Variants in ANKHD1 observed in about 807,000 individuals in gnomAD.
ANKHD1 encodes the protein ankyrin repeat and KH domain-containing protein 1.
A neutral mutation model predicts 230.5 loss-of-function variants in ANKHD1; 31 were observed. The ratio of observed to expected loss-of-function variants is 0.13; its 90% CI spans 0.10 to 0.18. The LOEUF is 0.18. ANKHD1 is among the 10% of genes least tolerant of loss of function. ANKHD1 has a pLI of 1.00. For synonymous variants in ANKHD1, 1,074 were observed against 1,117.6 expected (o/e 0.96, Z 0.78); for missense variants, 2,256 against 3,071.3 (o/e 0.73, Z 6.27).
At chr5:140,408,321 A>G (rs922203825) in intron 1 of ANKHD1, among the ~76,000 whole-genome samples, 1 of 152,184 alleles carries the variant, frequency 6.6e-6, no homozygotes, top group East Asian at 1.9e-4. Flanking sequence ...AAGGTAACCA[A>G]TATTAAAATT....
At chr5:140,489,077 C>T (rs1160316602) in intron 14 of ANKHD1, among the ~76,000 whole-genome samples, 1 of 151,738 alleles carries the variant, frequency 6.6e-6, no homozygotes, top group African/African-American at 2.4e-5. Context: ...GTAGTCCCTG[C>T]TGCTAGGGAG....
chr5:140,432,793 G>C (rs992556468), intron 1 of ANKHD1, among the ~76,000 whole-genome samples: 9 of 151,744 alleles, frequency 5.9e-5, no homozygotes. Flanking sequence ...GTGTAATTTT[G>C]AACTTCTGGG....
chr5:140,463,223 C>G (rs1235703343), intron 9 of ANKHD1, among the ~76,000 whole-genome samples: 1 of 152,072 alleles, frequency 6.6e-6, no homozygotes, highest in African/African-American at 2.4e-5. Flanking sequence ...TTTACTTCAT[C>G]ACGGTCATTC....
chr5:140,427,546 G>A (rs1277967298), intron 1 of ANKHD1, among the ~76,000 whole-genome samples: 1 of 143,824 alleles, frequency 7.0e-6, no homozygotes, highest in Non-Finnish European at 1.5e-5. Context: ...GCCGGGCGGG[G>A]GGCTGACCCC....
chr5:140,508,125 G>C (rs576453098), intron 20 of ANKHD1, 127 bp downstream of exon 20: 1 of 1,278,052 alleles, frequency 7.8e-7, no homozygotes, highest in Admixed American at 2.8e-5. Context: ...GCAGAGTTGA[G>C]GGATTATGCT....
At chr5:140,511,573 G>T (rs1352099782) in intron 22 of ANKHD1, among the ~76,000 whole-genome samples, 1 of 152,146 alleles carries the variant, frequency 6.6e-6, no homozygotes, top group Non-Finnish European at 1.5e-5. Context: ...CTTCAAACAT[G>T]TACTTACCAT....
chr5:140,496,268 T>G (rs1752031312), intron 14 of ANKHD1, among the ~76,000 whole-genome samples: 1 of 151,982 alleles, frequency 6.6e-6, no homozygotes, highest in African/African-American at 2.4e-5. Flanking sequence ...TAAAGTAGAT[T>G]TTTAAAACTT....
At chr5:140,498,397 C>T (rs915957342) in intron 15 of ANKHD1, among the ~76,000 whole-genome samples, 2 of 152,232 alleles carry the variant, frequency 1.3e-5, no homozygotes, top group African/African-American at 4.8e-5. Context: ...TTTTATTGGG[C>T]ATGTGTTTGA....
chr5:140,474,192 A>G (rs1454017255), intron 10 of ANKHD1, among the ~76,000 whole-genome samples: 3 of 152,198 alleles, frequency 2.0e-5, no homozygotes, highest in Non-Finnish European at 4.4e-5. Context: ...CCTTTTATCC[A>G]TATCAGTTCT....
intron 6 of ANKHD1, among the ~76,000 whole-genome samples, chr5:140,447,312 C>T (rs1001106966): frequency 5.9e-5 from 9 of 152,304 alleles, no homozygotes; most frequent in African/African-American, 1.9e-4. Context: ...AAGCTATCCT[C>T]CTGCCTCAGC....
At chr5:140,521,111 A>T (rs2127077520) in intron 24 of ANKHD1, among the ~76,000 whole-genome samples, 1 of 152,288 alleles carries the variant, frequency 6.6e-6, no homozygotes, top group African/African-American at 2.4e-5. Context: ...AAGTAGAGTT[A>T]TTCTAGGAAT....
chr5:140,513,428 A>G lies in ANKHD1; in HGVS notation c.4266A>G (p.Ala1422=). The change falls in exon 24 of 34, where the codon GCA becomes GCG. Residue 1422 remains alanine (A), a synonymous_variant. Transcript: ENST00000360839. ...TGAAGGCTAAAGACCAGCAAGCTGC[A>G]GAAGCAAATAAGAATGCGAGTATTC... ...TIVKAKDQQA[A]EANKNASILL... 6.2e-7 allele frequency: 1 copy of G among 1,613,844 alleles called. No homozygotes were observed. Among genetic ancestry groups the G allele is most frequent in the Non-Finnish European group, 8.5e-7 (1 of 1,179,890 alleles).
chr5:140,524,906 C>G (rs1353354339), intron 25 of ANKHD1: 1 of 274,496 alleles, frequency 3.6e-6, no homozygotes, highest in Non-Finnish European at 7.2e-6. Context: ...TGAGACCAGC[C>G]TGACCAATAT....
In ANKHD1 at chr5:140,528,177, C is replaced by G; in HGVS notation, c.5238-7C>G. 1 of 1,394,356 alleles carries G rather than the reference C, an allele frequency of 7.2e-7. No homozygotes were observed. Among genetic ancestry groups the G allele is most frequent in the Non-Finnish European group, 9.3e-7 (1 of 1,071,970 alleles). 86.4% of individuals were successfully genotyped at this position (1,394,356 alleles called of 1,614,324 possible). Reference sequence around the variant, plus strand: ...TGGTCTTGTTTCTGTTTTTTTTTTTCCCTTAGGGGTGGCACAGAATCAACA... The same window carrying G: ...TGGTCTTGTTTCTGTTTTTTTTTTTGCCTTAGGGGTGGCACAGAATCAACA... On this transcript the variant is annotated splice_polypyrimidine_tract_variant and splice_region_variant and intron_variant, in intron 28 of 33. Coordinates refer to ENST00000360839, the MANE Select transcript of ANKHD1 (RefSeq NM_017747.3).
rs575097013 is a variant in ANKHD1 at position 140,516,664 on chromosome 5, C to A, written c.4317+3185C>A. Among the ~76,000 whole-genome samples, 1,011 of 152,124 alleles carry A rather than the reference C, an allele frequency of 6.6e-3. 9 individuals carry two copies. Among genetic ancestry groups the A allele is most frequent in the African/African-American group, 0.023 (960 of 41,484 alleles). On this transcript the variant is annotated intron_variant, in intron 24 of 33. Coordinates refer to ENST00000360839, the MANE Select transcript of ANKHD1 (RefSeq NM_017747.3). ...ATTCTTAAAGAAAAGAATTTTCAAC[C>A]CAGAATTTCATATCCAGCCAAACTA...
intron 7 of ANKHD1, among the ~76,000 whole-genome samples, chr5:140,449,993 A>C (rs1774587361): frequency 6.6e-6 from 1 of 152,194 alleles, no homozygotes; most frequent in South Asian, 2.1e-4. Flanking sequence ...TGTCACAGAG[A>C]ATAATCACCT....
chr5:140,455,483 A>C (rs370474047), intron 7 of ANKHD1, among the ~76,000 whole-genome samples: 4 of 152,144 alleles, frequency 2.6e-5, no homozygotes, highest in African/African-American at 9.7e-5. Context: ...CTGGCAAACC[A>C]AATCCAGCAG....
chr5:140,457,981 A>G (rs2126962728), intron 7 of ANKHD1, among the ~76,000 whole-genome samples: 1 of 152,334 alleles, frequency 6.6e-6, no homozygotes, highest in Admixed American at 6.5e-5. Flanking sequence ...GTCTATGCAG[A>G]TAGGCCATGG....
In ANKHD1 at chr5:140,449,322, C is replaced by G; in HGVS notation, c.1242+17C>G. 6.2e-7 allele frequency: 1 copy of G among 1,608,810 alleles called. No homozygotes were observed. The highest frequency in any genetic ancestry group is 8.5e-7 in the Non-Finnish European group (1 of 1,176,954). ...GCCTGCATGGTAATTTTAAATTACA[C>G]TCACTTGAGATTTTATGGGAAGAAA... On this transcript the variant is annotated intron_variant, in intron 7 of 33. Coordinates refer to ENST00000360839, the MANE Select transcript of ANKHD1 (RefSeq NM_017747.3).
Sources: gnomAD v4.1 joint callset for allele counts (sites outside exome capture counted in the v4.1 genomes callset) on GRCh38, gnomAD v4.1.1 for gene constraint, MANE v1.5 for transcripts, NCBI Gene and HGNC (gene_info 2026-07-23, HGNC 2026-07-21) for gene names.